The following EXOC6B variants were observed in gnomAD, a reference collection of about 807,000 sequenced individuals.
The protein encoded by EXOC6B is exocyst complex component 6B.
Under a neutral mutation model 113.5 loss-of-function variants are expected in EXOC6B, and 54 were observed. That is an observed-to-expected ratio of 0.48 (90% CI 0.38 to 0.60). The LOEUF is 0.60. Among genes scored for constraint, EXOC6B ranks in the 20% least tolerant of loss-of-function variants. The pLI, the probability that EXOC6B is intolerant of heterozygous loss-of-function variation, is 0.00. For missense variants in EXOC6B, 797 were observed against 977.5 expected (o/e 0.82, Z 2.46); for synonymous variants, 357 against 339.0 (o/e 1.05, Z -0.58).
chr2:72,436,517 T>C (rs1167906663), intron 18 of EXOC6B, among the ~76,000 whole-genome samples: 5 of 152,308 alleles, frequency 3.3e-5, no homozygotes, highest in South Asian at 4.1e-4. Flanking sequence ...CCATTCTCGC[T>C]GTCCCTTTTA....
intron 18 of EXOC6B, among the ~76,000 whole-genome samples, chr2:72,385,805 A>G (rs1048134862): frequency 1.3e-5 from 2 of 152,156 alleles, no homozygotes; most frequent in African/African-American, 2.4e-5. Flanking sequence ...TAAAACCACA[A>G]TGAGATACCA....
At chr2:72,470,984 T>C (rs1458161948) in intron 17 of EXOC6B, among the ~76,000 whole-genome samples, 2 of 152,188 alleles carry the variant, frequency 1.3e-5, no homozygotes, top group Non-Finnish European at 1.5e-5. Context: ...ATATACCCAG[T>C]AATGGGATGG....
chr2:72,653,242 T>G (rs928693909), intron 6 of EXOC6B, among the ~76,000 whole-genome samples: 10 of 150,852 alleles, frequency 6.6e-5, no homozygotes, highest in Non-Finnish European at 1.2e-4. Flanking sequence ...AATGATGAGT[T>G]CATGTCCTTT....
At chr2:72,637,820 A>G (rs1352405295) in intron 6 of EXOC6B, among the ~76,000 whole-genome samples, 2 of 151,980 alleles carry the variant, frequency 1.3e-5, no homozygotes, top group East Asian at 1.9e-4. Context: ...ACCAAATGAT[A>G]ATGGAAATAT....
At chr2:72,602,335 GT>G (rs1670486432) in intron 6 of EXOC6B, among the ~76,000 whole-genome samples, 1 of 152,080 alleles carries the variant, frequency 6.6e-6, no homozygotes, top group Non-Finnish European at 1.5e-5. Context: ...TAGCCATAAT[GT>G]TTTTCTTGTT....
intron 8 of EXOC6B, among the ~76,000 whole-genome samples, chr2:72,537,216 T>C (rs1400391621): frequency 2.6e-5 from 4 of 152,184 alleles, no homozygotes; most frequent in Non-Finnish European, 5.9e-5. Context: ...TTCCTGACTT[T>C]ACTGGGAATC....
At chr2:72,249,786 A>T (rs1332127374) in intron 20 of EXOC6B, among the ~76,000 whole-genome samples, 3 of 152,212 alleles carry the variant, frequency 2.0e-5, no homozygotes, top group Non-Finnish European at 4.4e-5. Flanking sequence ...GAAAAAAATT[A>T]TCTTCTTCTT....
intron 18 of EXOC6B, among the ~76,000 whole-genome samples, chr2:72,410,811 C>G (rs1317818815): frequency 6.6e-6 from 1 of 151,936 alleles, no homozygotes; most frequent in Non-Finnish European, 1.5e-5. Context: ...ACTTTATACA[C>G]ATATAGGTAA....
intron 18 of EXOC6B, among the ~76,000 whole-genome samples, chr2:72,442,920 T>G (rs1256551150): frequency 2.6e-5 from 4 of 152,122 alleles, no homozygotes; most frequent in Admixed American, 2.0e-4. Flanking sequence ...AAAAAGAGCC[T>G]GAATAGCCAA....
At chr2:72,296,412 A>C (rs1180338014) in intron 20 of EXOC6B, among the ~76,000 whole-genome samples, 4 of 152,196 alleles carry the variant, frequency 2.6e-5, no homozygotes, top group Non-Finnish European at 4.4e-5. Context: ...AACAGAGAAG[A>C]AGGGAAGTTC....
intron 17 of EXOC6B, among the ~76,000 whole-genome samples, chr2:72,474,891 T>A (rs1198139913): frequency 2.6e-5 from 4 of 152,208 alleles, no homozygotes; most frequent in African/African-American, 7.2e-5. Flanking sequence ...TGCAATTTTT[T>A]AAATTTGCTC....
Position 72,561,118 on chromosome 2 carries a change from A to T in EXOC6B, c.847-1597T>A, listed in dbSNP as rs143931885. ...TAGAGACCCAAAGGAAATTTATTTTATCTTGACAGAAAACCAGAGTCTATT... is the reference window on the plus strand; with the variant it reads ...TAGAGACCCAAAGGAAATTTATTTTTTCTTGACAGAAAACCAGAGTCTATT... On this transcript the variant is annotated intron_variant, in intron 7 of 21. Transcript: ENST00000272427. 4.2e-3 allele frequency among the ~76,000 whole-genome samples: 634 copies of T among 152,228 alleles called. 6 individuals carry two copies. The highest frequency in any genetic ancestry group is 0.015 in the African/African-American group (612 of 41,580).
At chr2:72,630,215 A>C (rs1444302168) in intron 6 of EXOC6B, among the ~76,000 whole-genome samples, 1 of 152,152 alleles carries the variant, frequency 6.6e-6, no homozygotes, top group Non-Finnish European at 1.5e-5. Flanking sequence ...TCAGTGACTG[A>C]AGCCTAACCC....
At chr2:72,287,295 G>T (rs562004589) in intron 20 of EXOC6B, among the ~76,000 whole-genome samples, 1 of 151,660 alleles carries the variant, frequency 6.6e-6, no homozygotes, top group Non-Finnish European at 1.5e-5. Context: ...GCCGGGCGTG[G>T]TGTCAGGCAC....
At chr2:72,645,679 T>C (rs1673652231) in intron 6 of EXOC6B, among the ~76,000 whole-genome samples, 1 of 152,166 alleles carries the variant, frequency 6.6e-6, no homozygotes, top group South Asian at 2.1e-4. Context: ...AACAACCTGC[T>C]CCTGAATGAC....
Position 72,825,781 on chromosome 2 carries a change from C to T in EXOC6B, c.113+17G>A. ...CCGCCCGTTCCCGCCCCTCTGTGGT[C>T]CCGGCACCCGGGGTACCTGAGCGTG... On this transcript the variant is annotated intron_variant, in intron 1 of 21. Transcript: ENST00000272427. This position sits in a 1 kb window ranked among gnomAD's most constrained non-coding sequence, Gnocchi z 4.4. The T allele has an allele frequency of 6.2e-7, 1 of 1,604,622 alleles. No individual in the cohort carries two copies. Among genetic ancestry groups the T allele is most frequent in the Non-Finnish European group, 8.5e-7 (1 of 1,175,632 alleles).
At position 72,365,511 on chromosome 2, in the gene EXOC6B, C is replaced by T. The variant is rs1448913563; in HGVS notation, c.2122+14218G>A. On this transcript the variant is annotated intron_variant, in intron 19 of 21. Transcript: ENST00000272427. Reference sequence around the variant, plus strand: ...GCAGCTTCCAGGATGTGCTATAAAGCAGGCAAAGGGAGAGAACTGAAACAG... The same window carrying T: ...GCAGCTTCCAGGATGTGCTATAAAGTAGGCAAAGGGAGAGAACTGAAACAG... Among the ~76,000 whole-genome samples, 3 of 152,116 alleles carry T rather than the reference C, an allele frequency of 2.0e-5. No individual in the cohort carries two copies. The East Asian group carries it at 5.8e-4, about 29-fold the overall frequency.
intron 8 of EXOC6B, among the ~76,000 whole-genome samples, chr2:72,526,230 A>G (rs1468451960): frequency 6.6e-6 from 1 of 152,052 alleles, no homozygotes; most frequent in Non-Finnish European, 1.5e-5. Flanking sequence ...TTAAAATAAT[A>G]CCAACATGTT....
intron 13 of EXOC6B, 54 bp from the exon 14 acceptor site, chr2:72,496,613 T>C: frequency 2.8e-6 from 3 of 1,086,840 alleles, no homozygotes; most frequent in Non-Finnish European, 2.8e-6. Context: ...AGTGGGGGGG[T>C]AGGGGAGGGG....
Sources: gnomAD v4.1 joint callset for allele counts (sites outside exome capture counted in the v4.1 genomes callset) on GRCh38, gnomAD v4.1.1 for gene constraint, Gnocchi (gnomAD v3.1) non-coding constraint, MANE v1.5 for transcripts, NCBI Gene and HGNC (gene_info 2026-07-23, HGNC 2026-07-21) for gene names.